TBC1D22A: variants seen among roughly 807,000 people sequenced by gnomAD.
The protein encoded by TBC1D22A is TBC1 domain family member 22A, also known as putative GTPase activator.
TBC1D22A carries 38 observed loss-of-function variants against 60.2 expected under a neutral mutation model. That is an observed-to-expected ratio of 0.63 (90% CI 0.49 to 0.83). TBC1D22A has a LOEUF of 0.83. TBC1D22A is among the 40% of genes least tolerant of loss of function. The pLI is 0.00. For synonymous variants in TBC1D22A, 302 were observed against 281.7 expected, an observed-to-expected ratio of 1.07 and a Z score of -0.72; for missense variants, 628 against 701.0, an observed-to-expected ratio of 0.90 and a Z score of 1.18.
At chr22:46,791,069 G>T (rs2084384538) in intron 1 of TBC1D22A, among the ~76,000 whole-genome samples, 1 of 151,626 alleles carries the variant, frequency 6.6e-6, no homozygotes, top group Non-Finnish European at 1.5e-5. Context: ...TTATTTTTTT[G>T]AGACAGGGTC....
At chr22:46,926,090 A>G (rs375519410) in intron 8 of TBC1D22A, among the ~76,000 whole-genome samples, 2 of 152,250 alleles carry the variant, frequency 1.3e-5, no homozygotes, top group African/African-American at 4.8e-5. Flanking sequence ...AAGAAATCGT[A>G]AGGGAAATTA....
intron 6 of TBC1D22A, among the ~76,000 whole-genome samples, chr22:46,894,002 G>A (rs1053757891): frequency 1.1e-4 from 17 of 152,248 alleles, no homozygotes; most frequent in Admixed American, 2.6e-4. Context: ...GGGTGTTAGA[G>A]TCCTCTGTGG....
Position 46,954,962 on chromosome 22 carries a change from A to G in TBC1D22A, c.1016-19328A>G, listed in dbSNP as rs1260882624. On this transcript the variant is annotated intron_variant, in intron 8 of 12. Coordinates refer to ENST00000337137, the MANE Select transcript of TBC1D22A (RefSeq NM_014346.5). ...TTTATTGAACCACAAAATGTTATTTATAACCCATGTCAGGAGCAATTAAAC... is the reference window on the plus strand; with the variant it reads ...TTTATTGAACCACAAAATGTTATTTGTAACCCATGTCAGGAGCAATTAAAC... 2.0e-5 allele frequency among the ~76,000 whole-genome samples: 3 copies of G among 152,360 alleles called. No individual in the cohort carries two copies. In the East Asian group the frequency reaches 5.8e-4, roughly 29 times the overall value.
At chr22:46,892,868 CTA>C (rs920019002) in intron 6 of TBC1D22A, among the ~76,000 whole-genome samples, 37 of 152,194 alleles carry the variant, frequency 2.4e-4, no homozygotes, top group African/African-American at 8.7e-4. Flanking sequence ...AATTCCCAGA[CTA>C]TTTCTACATT....
At chr22:47,049,939 G>T (rs1382622615) in intron 11 of TBC1D22A, among the ~76,000 whole-genome samples, 1 of 152,242 alleles carries the variant, frequency 6.6e-6, no homozygotes, top group African/African-American at 2.4e-5. Flanking sequence ...GGAACTTGGT[G>T]GCCACAGCCA....
At chr22:46,979,326 C>CAGTT (rs1361066603) in intron 9 of TBC1D22A, among the ~76,000 whole-genome samples, 1 of 152,236 alleles carries the variant, frequency 6.6e-6, no homozygotes, top group Non-Finnish European at 1.5e-5. Flanking sequence ...GCAACAAACA[C>CAGTT]AGTTCCTTGT....
chr22:47,158,765 T>C (rs1284793628), intron 12 of TBC1D22A, among the ~76,000 whole-genome samples: 4 of 152,226 alleles, frequency 2.6e-5, no homozygotes, highest in Admixed American at 1.3e-4. Flanking sequence ...GATAGCATCA[T>C]TGGTGTCACC....
intron 11 of TBC1D22A, among the ~76,000 whole-genome samples, chr22:47,051,863 GCT>G (rs2063233667): frequency 6.6e-6 from 1 of 152,224 alleles, no homozygotes; most frequent in Admixed American, 6.5e-5. Flanking sequence ...TTTCAGCGGT[GCT>G]CTCCTGGCCA....
At chr22:46,783,603 C>T (rs1454279547) in intron 1 of TBC1D22A, among the ~76,000 whole-genome samples, 2 of 149,926 alleles carry the variant, frequency 1.3e-5, no homozygotes, top group African/African-American at 4.9e-5. Context: ...TTTTTTTTTA[C>T]CACTCATGTG....
chr22:46,901,895 T>G (rs1174882019), intron 7 of TBC1D22A, among the ~76,000 whole-genome samples: 1 of 152,252 alleles, frequency 6.6e-6, no homozygotes, highest in Non-Finnish European at 1.5e-5. Flanking sequence ...GATGTCACAT[T>G]GCTGATGCAT....
Position 46,965,106 on chromosome 22 carries a change from C to T in TBC1D22A, c.1016-9184C>T, listed in dbSNP as rs370480748. ...TCACCTTGCTGGAGCGGTCAGTGAACGCTGGATTGTCAGAGCAGCAAGCTC... is the reference window on the plus strand; with the variant it reads ...TCACCTTGCTGGAGCGGTCAGTGAATGCTGGATTGTCAGAGCAGCAAGCTC... On this transcript the variant is annotated intron_variant, in intron 8 of 12. Coordinates refer to ENST00000337137, the MANE Select transcript of TBC1D22A (RefSeq NM_014346.5). Among the ~76,000 whole-genome samples the T allele has an allele frequency of 5.9e-5, 9 of 152,330 alleles. No individual in the cohort carries two copies. The East Asian group carries it at 7.7e-4, about 13-fold the overall frequency.
chr22:46,860,739 A>T (rs964602080), intron 4 of TBC1D22A, among the ~76,000 whole-genome samples: 2 of 152,070 alleles, frequency 1.3e-5, no homozygotes, highest in Non-Finnish European at 2.9e-5. Context: ...CGTCCTGGAG[A>T]CTGGCTCTGG....
At chr22:47,014,479 C>T (rs935883160) in intron 10 of TBC1D22A, among the ~76,000 whole-genome samples, 6 of 152,328 alleles carry the variant, frequency 3.9e-5, no homozygotes, top group East Asian at 1.9e-4. Context: ...GGCTCCCGCT[C>T]GCAGCCATGT....
intron 4 of TBC1D22A, among the ~76,000 whole-genome samples, chr22:46,811,645 A>T (rs973304215): frequency 1.3e-5 from 2 of 152,092 alleles, no homozygotes; most frequent in Non-Finnish European, 2.9e-5. Flanking sequence ...ATTCCTAGAG[A>T]CTTACAGAGG....
chr22:47,023,627 A>G (rs2148347331), intron 10 of TBC1D22A, among the ~76,000 whole-genome samples: 1 of 152,340 alleles, frequency 6.6e-6, no homozygotes, highest in East Asian at 1.9e-4. Flanking sequence ...TGCATTACAA[A>G]GGTAAGCATG....
At chr22:47,013,943 G>A (rs534193783) in intron 10 of TBC1D22A, among the ~76,000 whole-genome samples, 99 of 152,300 alleles carry the variant, frequency 6.5e-4, no homozygotes, top group African/African-American at 2.4e-3. Flanking sequence ...GCTGTGCCTG[G>A]ATCTCCCCAT....
chr22:46,997,693 C>T lies in TBC1D22A; in HGVS notation c.1185C>T (p.Leu395=), dbSNP rs369777766. 58 of 1,613,974 alleles carry T rather than the reference C, an allele frequency of 3.6e-5. No homozygotes were observed. The East Asian group carries it at 1.0e-3, about 28-fold the overall frequency. The part of the protein sequence containing the change: ...IQMKVKMLEE[L]VSRIDEQVHR... ...TGAAAGTGAAAATGTTAGAAGAACT[C>T]GTGAGCCGGATTGATGGTAAGCCAG... Residue 395 remains leucine (L), a synonymous_variant, in exon 10 of 13, where the codon CTC becomes CTT. Coordinates refer to ENST00000337137, the MANE Select transcript of TBC1D22A (RefSeq NM_014346.5).
At chr22:46,877,650 G>C (rs1014050538) in intron 4 of TBC1D22A, among the ~76,000 whole-genome samples, 2 of 152,102 alleles carry the variant, frequency 1.3e-5, no homozygotes, top group Admixed American at 6.5e-5. Context: ...TTAGATGTCA[G>C]GACTTTGTAT....
intron 11 of TBC1D22A, among the ~76,000 whole-genome samples, chr22:47,068,010 A>G (rs906799291): frequency 1.1e-4 from 16 of 152,224 alleles, no homozygotes; most frequent in African/African-American, 2.2e-4. Flanking sequence ...GGAGCCTTCC[A>G]TTGAGAGGGG....
Sources: allele counts gnomAD v4.1 joint callset (sites outside exome capture counted in the v4.1 genomes callset), GRCh38; gene constraint gnomAD v4.1.1; transcripts MANE v1.5; gene names NCBI Gene and HGNC (gene_info 2026-07-23, HGNC 2026-07-21).